ZNG1A: variants seen among roughly 807,000 people sequenced by gnomAD.
ZNG1A encodes the protein zinc-regulated GTPase metalloprotein activator 1A.
At chr9:162,973 C>A in the ZNG1A span, among the ~76,000 whole-genome samples, 6 of 152,106 alleles carry the variant, frequency 3.9e-5, no homozygotes, top group Non-Finnish European at 8.8e-5. Context: ...TTCTACATAA[C>A]ATATGCCTAA....
the ZNG1A span, among the ~76,000 whole-genome samples, chr9:145,341 A>G: frequency 4.0e-5 from 6 of 150,406 alleles, no homozygotes; most frequent in Non-Finnish European, 5.9e-5. Flanking sequence ...AATGTGGCAC[A>G]TATACACCAT....
chr9:175,675 G>C, the ZNG1A span: 1 of 1,533,858 alleles, frequency 6.5e-7, no homozygotes, highest in Non-Finnish European at 8.9e-7. Flanking sequence ...CTTGCAACAT[G>C]ACATTTATTG....
At chr9:176,906 T>G in the ZNG1A span, among the ~76,000 whole-genome samples, 1 of 152,076 alleles carries the variant, frequency 6.6e-6, no homozygotes, top group African/African-American at 2.4e-5. Context: ...TACAAATTTA[T>G]GCTGGGCCTT....
chr9:128,142 T>G, the ZNG1A span, among the ~76,000 whole-genome samples: 1 of 151,942 alleles, frequency 6.6e-6, no homozygotes, highest in Non-Finnish European at 1.5e-5. Flanking sequence ...TTAGATAACC[T>G]GACGACAATG....
At chr9:149,083 C>A in the ZNG1A span, 1 of 149,720 alleles carries the variant, frequency 6.7e-6, no homozygotes, top group Non-Finnish European at 1.5e-5. Flanking sequence ...ACTTCAAACT[C>A]AAAAACGCTT....
At chr9:133,913 G>C in the ZNG1A span, among the ~76,000 whole-genome samples, 2 of 147,044 alleles carry the variant, frequency 1.4e-5, no homozygotes, top group Admixed American at 1.4e-4. Context: ...AGGTTCATTC[G>C]AGGCTCTATG....
chr9:148,821 G>A, the ZNG1A span: 1 of 148,436 alleles, frequency 6.7e-6, no homozygotes, highest in African/African-American at 2.6e-5. Context: ...AATGAAGAGG[G>A]TTTTGGCTCT....
the ZNG1A span, among the ~76,000 whole-genome samples, chr9:129,505 C>T: frequency 6.7e-6 from 1 of 149,736 alleles, no homozygotes; most frequent in East Asian, 2.0e-4. Flanking sequence ...AAAATCCCGT[C>T]ATATACTACA....
the ZNG1A span, among the ~76,000 whole-genome samples, chr9:163,027 T>G: frequency 6.6e-6 from 1 of 151,536 alleles, no homozygotes; most frequent in Non-Finnish European, 1.5e-5. Context: ...GAATATATGC[T>G]GATAACAAAA....
chr9:171,752 C>A, the ZNG1A span: 3 of 309,490 alleles, frequency 9.7e-6, no homozygotes, highest in South Asian at 1.0e-4. Flanking sequence ...CCCATGGATG[C>A]CAAGGGACAA....
chr9:154,695 T>G, the ZNG1A span: 1 of 1,585,060 alleles, frequency 6.3e-7, no homozygotes, highest in South Asian at 1.1e-5. Context: ...CTTAACACAC[T>G]TATCATTTCG....
chr9:122,336 G>A, the ZNG1A span: 2 of 1,371,840 alleles, frequency 1.5e-6, no homozygotes, highest in Admixed American at 3.1e-5. Context: ...TAATGATAAA[G>A]TTAATACATA....
the ZNG1A span, chr9:178,962 G>A: frequency 3.8e-3 from 4,142 of 1,102,392 alleles, 811 homozygotes; most frequent in African/African-American, 0.054. Flanking sequence ...TCCAACAGCC[G>A]GTAACATTCC....
chr9:166,915 A>C, the ZNG1A span: 28 of 152,174 alleles, frequency 1.8e-4, no homozygotes, highest in Non-Finnish European at 3.8e-4. Flanking sequence ...GGTGTCATGA[A>C]GTAGAGGATC....
chr9:164,819 A>C, the ZNG1A span, among the ~76,000 whole-genome samples: 1 of 152,038 alleles, frequency 6.6e-6, no homozygotes, highest in African/African-American at 2.4e-5. Context: ...AGGATAATCA[A>C]ACTCATTCCA....
the ZNG1A span, chr9:122,348 A>G: frequency 7.5e-7 from 1 of 1,336,050 alleles, no homozygotes; most frequent in East Asian, 3.0e-5. Flanking sequence ...TAATACATAT[A>G]TTAGGATGGT....
At chr9:177,386 T>C in the ZNG1A span, among the ~76,000 whole-genome samples, 4 of 151,864 alleles carry the variant, frequency 2.6e-5, no homozygotes, top group Non-Finnish European at 4.4e-5. Context: ...GTATTCCAAA[T>C]GGTTGGGATC....
the ZNG1A span, among the ~76,000 whole-genome samples, chr9:128,751 C>T: frequency 6.7e-6 from 1 of 150,332 alleles, no homozygotes; most frequent in Non-Finnish European, 1.5e-5. Context: ...GTTAAAGAAC[C>T]TTGTTTTGTC....
chr9:164,367 G>A, the ZNG1A span: 1 of 197,482 alleles, frequency 5.1e-6, no homozygotes, highest in East Asian at 1.2e-4. Flanking sequence ...GAGCAGTATG[G>A]CTTTGTGCAC....
Sources: allele counts gnomAD v4.1 joint callset (sites outside exome capture counted in the v4.1 genomes callset), GRCh38; gene constraint gnomAD v4.1.1; transcripts MANE v1.5; gene names NCBI Gene and HGNC (gene_info 2026-07-23, HGNC 2026-07-21).